The following FAM149A variants were observed in gnomAD, a reference collection of about 807,000 sequenced individuals.
The protein encoded by FAM149A is protein FAM149A.
Under a neutral mutation model 78.2 loss-of-function variants are expected in FAM149A, and 71 were observed. The observed-to-expected ratio is 0.91, with a 90% CI of 0.75 to 1.11. The LOEUF (loss-of-function observed/expected upper bound fraction) is 1.11, where lower values mean the gene tolerates loss of function less well. FAM149A is among the 50% of genes least tolerant of loss of function. The pLI is 0.00. For missense variants in FAM149A, 1,036 were observed against 971.0 expected, an observed-to-expected ratio of 1.07 and a Z score of -0.89; for synonymous variants, 446 against 410.5, an observed-to-expected ratio of 1.09 and a Z score of -1.04.
rs2099310569 is a variant in FAM149A at position 186,110,071 on chromosome 4, C to T, written c.566+4429C>T. The T allele has an allele frequency of 3.0e-6, 3 of 985,398 alleles. No individual in the cohort carries two copies. In the African/African-American group the frequency reaches 5.2e-5, roughly 17 times the overall value. The allele number at this position is 985,398 out of a possible 1,614,324, so 61.0% of individuals were successfully genotyped here. ...GAAACCCTGTGATTTATATTCACAT[C>T]TTATGTCCATTATCAGACTATAAAC... On this transcript the variant is annotated intron_variant, in intron 1 of 13. Coordinates refer to ENST00000389354, the MANE Select transcript of FAM149A (RefSeq NM_001367768.3).
intron 1 of FAM149A, among the ~76,000 whole-genome samples, chr4:186,106,625 T>G (rs979563401): frequency 1.3e-5 from 2 of 152,056 alleles, no homozygotes; most frequent in African/African-American, 4.8e-5. Flanking sequence ...AATTACAGTT[T>G]CACAAAATTG....
chr4:186,126,894 T>A, intron 1 of FAM149A: 1 of 985,406 alleles, frequency 1.0e-6, no homozygotes, highest in Non-Finnish European at 1.2e-6. Flanking sequence ...AGACACTTGC[T>A]CTTTATAAAT....
At position 186,164,465 on chromosome 4, in the gene FAM149A, G is replaced by A. The variant is rs1028550133; in HGVS notation, c.1889+832G>A. Reference sequence around the variant, plus strand: ...AGCTCAGGAGCGGGCGGCTGCCAACGCTTACCTGGCACCCAGACTTTTTCC... The same window carrying A: ...AGCTCAGGAGCGGGCGGCTGCCAACACTTACCTGGCACCCAGACTTTTTCC... On this transcript the variant is annotated intron_variant, in intron 10 of 13. Transcript: ENST00000389354. This position sits in a 1 kb window ranked among gnomAD's most constrained non-coding sequence, Gnocchi z 4.0. The A allele has an allele frequency of 1.6e-5, 16 of 985,252 alleles. No homozygotes were observed. Among genetic ancestry groups the A allele is most frequent in the Non-Finnish European group, 1.9e-5 (16 of 829,912 alleles). 61.0% of individuals were successfully genotyped at this position (985,252 alleles called of 1,614,324 possible). A position where few individuals can be genotyped will look rare whatever the true frequency, so the allele number is the denominator to read the frequency against.
chr4:186,148,644 G>C (rs971336090), intron 1 of FAM149A, among the ~76,000 whole-genome samples: 1 of 152,152 alleles, frequency 6.6e-6, no homozygotes, highest in Non-Finnish European at 1.5e-5. Flanking sequence ...TCTAACTCTT[G>C]AAAACTCAGT....
rs747862693 is a variant in FAM149A, at chr4:186,153,685, G to A, written c.973G>A (p.Val325Ile). 3.9e-5 allele frequency: 63 copies of A among 1,613,904 alleles called. No homozygotes were observed. The highest frequency in any genetic ancestry group is 5.3e-5 in the African/African-American group (4 of 74,948). Residue 325 changes from valine to isoleucine, a missense_variant, in exon 5 of 14, where the codon GTC (valine) becomes ATC (isoleucine). Coordinates refer to ENST00000389354, the MANE Select transcript of FAM149A (RefSeq NM_001367768.3). ...GCTGATCCTGCCCACTGACAAAGGCGTCCAGCATTTCCAGGGCAGCACTCC... is the reference window on the plus strand; with the variant it reads ...GCTGATCCTGCCCACTGACAAAGGCATCCAGCATTTCCAGGGCAGCACTCC...
chr4:186,152,203 C>T (rs563628223), intron 4 of FAM149A, among the ~76,000 whole-genome samples, 158 bp downstream of exon 4: 10 of 152,280 alleles, frequency 6.6e-5, no homozygotes, highest in South Asian at 2.1e-4. Flanking sequence ...TTTCCTCTTA[C>T]GGCGTCTGAG....
Position 186,116,547 on chromosome 4 carries a change from C to T in FAM149A, c.566+10905C>T, listed in dbSNP as rs538892929. 100 of 985,090 alleles carry T rather than the reference C, an allele frequency of 1.0e-4. No individual in the cohort carries two copies. In the African/African-American group the frequency reaches 1.4e-3, roughly 14 times the overall value. The allele number at this position is 985,090 out of a possible 1,614,324, so 61.0% of individuals were successfully genotyped here. A position where few individuals can be genotyped will look rare whatever the true frequency, so the allele number is the denominator to read the frequency against. On this transcript the variant is annotated intron_variant, in intron 1 of 13. Transcript: ENST00000389354. ...GAAAACAATTTTGTTCTGTCTTATGCGTAGGCTTTTGCTTTAAATTATCCT... is the reference window on the plus strand; with the variant it reads ...GAAAACAATTTTGTTCTGTCTTATGTGTAGGCTTTTGCTTTAAATTATCCT...
In FAM149A at chr4:186,144,140, C is replaced by T. The variant is rs981210751; in HGVS notation, c.567-5033C>T. The T allele has an allele frequency of 6.6e-6, 1 of 152,236 alleles. No homozygotes were observed. The highest frequency in any genetic ancestry group is 6.5e-5 in the Admixed American group (1 of 15,284). The allele number at this position is 152,236 out of a possible 1,614,324, so 9.4% of individuals were successfully genotyped here. A position where few individuals can be genotyped will look rare whatever the true frequency, so the allele number is the denominator to read the frequency against. ...TCTGAGACTCAAAAATGTAGTTCACCTCCGCGACCTCACCCCTTCTTCCCT... is the reference window on the plus strand; with the variant it reads ...TCTGAGACTCAAAAATGTAGTTCACTTCCGCGACCTCACCCCTTCTTCCCT... On this transcript the variant is annotated intron_variant, in intron 1 of 13. Transcript: ENST00000389354. The surrounding 1 kb of genome is among the most constrained non-coding windows in gnomAD (Gnocchi z 4.2).
In FAM149A at chr4:186,149,249, A is replaced by C. The variant is rs1158147065; in HGVS notation, c.643A>C (p.Arg215=). 5 of 1,289,378 alleles carry C rather than the reference A, an allele frequency of 3.9e-6. No homozygotes were observed. The highest frequency in any genetic ancestry group is 5.1e-6 in the Non-Finnish European group (5 of 988,730). The allele number at this position is 1,289,378 out of a possible 1,614,324, so 79.9% of individuals were successfully genotyped here. ...AGATTCTTTACCTACGCATTTTACAAGAAATGTGCAGAAAGCCATTGATAA... is the reference window on the plus strand; with the variant it reads ...AGATTCTTTACCTACGCATTTTACACGAAATGTGCAGAAAGCCATTGATAA... The change falls in exon 2 of 14, where the codon AGA becomes CGA. Residue 215 remains arginine, a synonymous_variant. Coordinates refer to ENST00000389354, the MANE Select transcript of FAM149A (RefSeq NM_001367768.3).
intron 1 of FAM149A, chr4:186,116,834 A>G (rs751053505): frequency 1.1e-6 from 1 of 878,820 alleles, no homozygotes; most frequent in Non-Finnish European, 1.4e-6. Flanking sequence ...GTTCTTATCC[A>G]ACAAGCATGG....
chr4:186,123,911 C>T (rs1396899656), intron 1 of FAM149A: 2 of 981,394 alleles, frequency 2.0e-6, no homozygotes, highest in East Asian at 2.3e-4. Context: ...TTGTACAAAG[C>T]AGTGACAGTA....
chr4:186,110,290 G>A (rs1026534915), intron 1 of FAM149A: 16 of 985,066 alleles, frequency 1.6e-5, no homozygotes, highest in African/African-American at 7.0e-5. Context: ...TTGTTTCATC[G>A]TCTTGAGTTT....
chr4:186,156,921 A>AGCTATGATCATGCCGCT (rs148148966), intron 7 of FAM149A, among the ~76,000 whole-genome samples: 2,301 of 151,930 alleles, frequency 0.015, 82 homozygotes, highest in African/African-American at 0.053. Flanking sequence ...ATTGAAAGTG[A>AGCTATGATCATGCCGCT]GCACTCCATC....
At chr4:186,156,773 C>T (rs1734058281) in intron 7 of FAM149A, among the ~76,000 whole-genome samples, 1 of 152,004 alleles carries the variant, frequency 6.6e-6, no homozygotes, top group South Asian at 2.1e-4. Flanking sequence ...AAGGCCAGCT[C>T]AGCTTGGGCA....
chr4:186,148,028 TA>T (rs1418696880), intron 1 of FAM149A, among the ~76,000 whole-genome samples: 1 of 152,202 alleles, frequency 6.6e-6, no homozygotes, highest in African/African-American at 2.4e-5. Flanking sequence ...TACTTTGTTT[TA>T]AAAATTCTCT....
chr4:186,109,247 ACTT>A, intron 1 of FAM149A: 1 of 949,368 alleles, frequency 1.1e-6, no homozygotes. Flanking sequence ...TAGAGTGTAA[ACTT>A]CTAGTCAGGA....
intron 1 of FAM149A, chr4:186,109,108 A>T: frequency 1.1e-6 from 1 of 887,022 alleles, no homozygotes; most frequent in Non-Finnish European, 1.4e-6. Flanking sequence ...CGGCCTCCCG[A>T]AGTGCTGGGA....
intron 4 of FAM149A, 104 bp downstream of exon 4, chr4:186,152,149 G>C: frequency 9.3e-7 from 1 of 1,080,084 alleles, no homozygotes; most frequent in East Asian, 2.5e-5. Context: ...TGCCTGCCCA[G>C]TCAGAATATG....
chr4:186,105,576 T>A lies in FAM149A; in HGVS notation c.500T>A (p.Leu167Gln). Residue 167 changes from leucine (L) to glutamine (Q), a missense_variant, in exon 1 of 14, where the codon CTG (leucine) becomes CAG (glutamine). By Grantham distance (113) the Leu-to-Gln change is moderately radical (BLOSUM62 -2). Transcript: ENST00000389354. Reference sequence around the variant, plus strand: ...GCCCCCGGGGCTGGCCCCAGAACCCTGTTCCTTACGCTGCCTGACATCGGC... The same window carrying A: ...GCCCCCGGGGCTGGCCCCAGAACCCAGTTCCTTACGCTGCCTGACATCGGC... 3.7e-6 allele frequency: 4 copies of A among 1,089,180 alleles called. No homozygotes were observed. The highest frequency in any genetic ancestry group is 4.5e-6 in the Non-Finnish European group (4 of 890,728). The allele number at this position is 1,089,180 out of a possible 1,614,324, so 67.5% of individuals were successfully genotyped here.
Sources: gnomAD v4.1 joint callset for allele counts (sites outside exome capture counted in the v4.1 genomes callset) on GRCh38, gnomAD v4.1.1 for gene constraint, Gnocchi (gnomAD v3.1) non-coding constraint, MANE v1.5 for transcripts, NCBI Gene and HGNC (gene_info 2026-07-23, HGNC 2026-07-21) for gene names.